The following ROBO1 variants were observed in gnomAD, a reference collection of about 807,000 sequenced individuals.
ROBO1 encodes the protein roundabout guidance receptor 1.
ROBO1 carries 149 observed loss-of-function variants against 195.9 expected under a neutral mutation model. That is an observed-to-expected ratio of 0.76 (90% confidence interval 0.67 to 0.87). ROBO1 has a LOEUF of 0.87. Among genes scored for constraint, ROBO1 ranks in the 40% least tolerant of loss-of-function variants. ROBO1 has a pLI of 0.00. For missense variants in ROBO1, 1,933 were observed against 2,068.3 expected, an observed-to-expected ratio of 0.93 and a Z score of 1.27; for synonymous variants, 816 against 733.2, an observed-to-expected ratio of 1.11 and a Z score of -1.82.
At chr3:78,743,388 G>A (rs1161307730) in intron 5 of ROBO1, among the ~76,000 whole-genome samples, 1 of 151,900 alleles carries the variant, frequency 6.6e-6, no homozygotes, top group South Asian at 2.1e-4. Context: ...CCTTCAAATC[G>A]TCTTTACTTG....
At chr3:79,747,445 G>C (rs1703926453) in intron 1 of ROBO1, among the ~76,000 whole-genome samples, 1 of 151,904 alleles carries the variant, frequency 6.6e-6, no homozygotes, top group Non-Finnish European at 1.5e-5. Flanking sequence ...GTTTGTGTAG[G>C]CATTATACTC....
At chr3:78,997,499 G>T (rs984406711) in intron 3 of ROBO1, among the ~76,000 whole-genome samples, 1 of 152,090 alleles carries the variant, frequency 6.6e-6, no homozygotes, top group African/African-American at 2.4e-5. Flanking sequence ...GTCATTAAAT[G>T]TTTGTTCAAT....
intron 2 of ROBO1, among the ~76,000 whole-genome samples, chr3:79,486,383 T>G (rs1475548136): frequency 1.3e-5 from 2 of 152,142 alleles, no homozygotes; most frequent in Non-Finnish European, 2.9e-5. Context: ...AGACCTTTCT[T>G]GGCCACCCCA....
At chr3:79,746,183 A>T (rs1383750828) in intron 1 of ROBO1, among the ~76,000 whole-genome samples, 1 of 152,018 alleles carries the variant, frequency 6.6e-6, no homozygotes, top group African/African-American at 2.4e-5. Flanking sequence ...CATTTTTTCC[A>T]TGCATCCATC....
At chr3:79,491,929 C>A (rs1451622545) in intron 2 of ROBO1, among the ~76,000 whole-genome samples, 4 of 151,896 alleles carry the variant, frequency 2.6e-5, no homozygotes, top group African/African-American at 9.7e-5. Context: ...TGTTATAAGG[C>A]ATTTGACAAT....
intron 1 of ROBO1, among the ~76,000 whole-genome samples, chr3:79,734,344 A>G (rs1703289207): frequency 6.6e-6 from 1 of 152,226 alleles, no homozygotes; most frequent in Non-Finnish European, 1.5e-5. Context: ...AAAACAAACA[A>G]AAAACATCAC....
intron 2 of ROBO1, among the ~76,000 whole-genome samples, chr3:79,460,636 C>G (rs1462473828): frequency 1.3e-5 from 2 of 152,136 alleles, no homozygotes; most frequent in Non-Finnish European, 2.9e-5. Context: ...TAAAATTTAG[C>G]CTTTTATAAC....
intron 14 of ROBO1, among the ~76,000 whole-genome samples, chr3:78,665,623 A>C (rs537823032): frequency 6.6e-6 from 1 of 152,302 alleles, no homozygotes; most frequent in Non-Finnish European, 1.5e-5. Context: ...AAAGAAATAC[A>C]AGTCCAATAA....
chr3:79,004,647 CAG>C (rs1429546363), intron 3 of ROBO1, among the ~76,000 whole-genome samples: 2 of 152,038 alleles, frequency 1.3e-5, no homozygotes, highest in African/African-American at 2.4e-5. Context: ...GGATGGAAAA[CAG>C]GGGAGGGAAA....
At chr3:79,023,673 T>C (rs2078145015) in intron 3 of ROBO1, among the ~76,000 whole-genome samples, 1 of 145,578 alleles carries the variant, frequency 6.9e-6, no homozygotes, top group African/African-American at 2.5e-5. Context: ...TAGGGCCAAT[T>C]TTTTTTTTTT....
At chr3:79,379,349 T>C (rs1207179418) in intron 2 of ROBO1, among the ~76,000 whole-genome samples, 2 of 152,168 alleles carry the variant, frequency 1.3e-5, no homozygotes, top group East Asian at 3.9e-4. Flanking sequence ...CTTTAGCCAG[T>C]AGGATGTTAG....
At chr3:79,310,814 C>G (rs2033451019) in intron 2 of ROBO1, among the ~76,000 whole-genome samples, 1 of 152,038 alleles carries the variant, frequency 6.6e-6, no homozygotes, top group South Asian at 2.1e-4. Flanking sequence ...AATAAGGCTA[C>G]ATGAAACAAT....
intron 2 of ROBO1, among the ~76,000 whole-genome samples, chr3:79,338,619 A>T (rs1466563186): frequency 1.3e-5 from 2 of 152,094 alleles, no homozygotes; most frequent in African/African-American, 4.8e-5. Flanking sequence ...CTTCACTTGA[A>T]TGCTAGGACA....
chr3:79,396,489 C>A (rs36118723), intron 2 of ROBO1, among the ~76,000 whole-genome samples: 61,311 of 151,690 alleles, frequency 0.4, 12,628 homozygotes, highest in Admixed American at 0.51. Flanking sequence ...AAAGTACCTT[C>A]GTCTCCATTT....
At position 78,849,819 on chromosome 3, in the gene ROBO1, T is replaced by A. The variant is rs2033925334; in HGVS notation, c.499+88782A>T. ...TTCATGTTTTTGTTTACAGTCAGTC[T>A]CTCTCTCCCATTACACACACACACA... On this transcript the variant is annotated intron_variant, in intron 4 of 30. Transcript: ENST00000464233. 3.4e-5 allele frequency among the ~76,000 whole-genome samples: 3 copies of A among 87,156 alleles called. No individual in the cohort carries two copies. The South Asian group carries it at 1.0e-3, about 30-fold the overall frequency. The allele number at this position is 87,156 out of a possible 152,430, so 57.2% of individuals were successfully genotyped here. A position where few individuals can be genotyped will look rare whatever the true frequency, so the allele number is the denominator to read the frequency against.
At chr3:79,145,386 C>A (rs1010898692) in intron 2 of ROBO1, among the ~76,000 whole-genome samples, 2 of 151,080 alleles carry the variant, frequency 1.3e-5, no homozygotes, top group Admixed American at 1.3e-4. Context: ...CACACACACA[C>A]ACACACACAC....
intron 1 of ROBO1, among the ~76,000 whole-genome samples, chr3:79,636,887 C>T (rs959337762): frequency 1.3e-5 from 2 of 152,136 alleles, no homozygotes; most frequent in Non-Finnish European, 2.9e-5. Flanking sequence ...AGGAAAAATA[C>T]ATTTTGTAAA....
chr3:79,258,599 A>G (rs1390507127), intron 2 of ROBO1, among the ~76,000 whole-genome samples: 1 of 152,188 alleles, frequency 6.6e-6, no homozygotes, highest in Non-Finnish European at 1.5e-5. Flanking sequence ...AGCAGCACTG[A>G]GAAAGAAACA....
intron 2 of ROBO1, among the ~76,000 whole-genome samples, chr3:79,407,382 C>A (rs2037589322): frequency 6.6e-6 from 1 of 152,128 alleles, no homozygotes; most frequent in Non-Finnish European, 1.5e-5. Flanking sequence ...ATAATATAAT[C>A]TTGTGTATAA....
Sources: gnomAD v4.1 joint callset for allele counts (sites outside exome capture counted in the v4.1 genomes callset) on GRCh38, gnomAD v4.1.1 for gene constraint, MANE v1.5 for transcripts, NCBI Gene and HGNC (gene_info 2026-07-23, HGNC 2026-07-21) for gene names.